Variants in CTNNA3 observed in about 807,000 individuals in gnomAD.
CTNNA3 encodes catenin alpha 3.
A neutral mutation model predicts 95.7 loss-of-function variants in CTNNA3; 76 were observed. The observed-to-expected ratio is 0.79, with a 90% CI of 0.66 to 0.96. The LOEUF is 0.96. Among genes scored for constraint, CTNNA3 ranks in the 40% least tolerant of loss-of-function variants. The pLI is 0.00. For synonymous variants in CTNNA3, 431 were observed against 374.4 expected, an observed-to-expected ratio of 1.15 and a Z score of -1.74; for missense variants, 1,191 against 1,089.8, an observed-to-expected ratio of 1.09 and a Z score of -1.31.
chr10:66,999,804 T>C (rs893646525), intron 7 of CTNNA3, among the ~76,000 whole-genome samples: 1 of 152,184 alleles, frequency 6.6e-6, no homozygotes, highest in Non-Finnish European at 1.5e-5. Flanking sequence ...TACTTGACCA[T>C]CAATTTTTCT....
At chr10:67,631,116 C>T (rs1351852557) in intron 2 of CTNNA3, among the ~76,000 whole-genome samples, 1 of 152,116 alleles carries the variant, frequency 6.6e-6, no homozygotes, top group African/African-American at 2.4e-5. Flanking sequence ...AGTGCAGATG[C>T]CTACAGTTGC....
intron 12 of CTNNA3, among the ~76,000 whole-genome samples, chr10:66,289,149 G>A (rs562112305): frequency 1.3e-4 from 19 of 151,846 alleles, no homozygotes; most frequent in African/African-American, 4.3e-4. Context: ...TAACAAAACT[G>A]TTAATTAATT....
Position 66,520,786 on chromosome 10 carries a change from G to C in CTNNA3, c.1375-13C>G. 2 of 1,607,656 alleles carry C rather than the reference G, an allele frequency of 1.2e-6. No homozygotes were observed. On this transcript the variant is annotated splice_polypyrimidine_tract_variant and intron_variant, in intron 10 of 17. Coordinates refer to ENST00000433211, the MANE Select transcript of CTNNA3 (RefSeq NM_013266.4). Reference sequence around the variant, plus strand: ...CAGCATTAATAATCTATAAAGATAAGGATTGAAAAAATTACCTATTGGTTG... The same window carrying C: ...CAGCATTAATAATCTATAAAGATAACGATTGAAAAAATTACCTATTGGTTG...
rs114748675 is a variant in CTNNA3, at chr10:66,730,481, A to G, written c.1281+35783T>C. On this transcript the variant is annotated intron_variant, in intron 9 of 17. Transcript: ENST00000433211. ...TGGGGTGGGGACAGGGAGTGCATCAAGAAGAACAGTTAATGGATTCTGGGC... is the reference window on the plus strand; with the variant it reads ...TGGGGTGGGGACAGGGAGTGCATCAGGAAGAACAGTTAATGGATTCTGGGC... 9.2e-3 allele frequency among the ~76,000 whole-genome samples: 1,404 copies of G among 152,268 alleles called. 32 individuals are homozygous for G. Among genetic ancestry groups the G allele is most frequent in the African/African-American group, 0.032 (1,327 of 41,546 alleles).
rs569356704 is a variant in CTNNA3, at chr10:66,086,999, T to A, written c.1977+16158A>T. 8.4e-4 allele frequency among the ~76,000 whole-genome samples: 128 copies of A among 152,234 alleles called. 1 individual carries two copies. The highest frequency in any genetic ancestry group is 3.0e-3 in the African/African-American group (123 of 41,554). On this transcript the variant is annotated intron_variant, in intron 14 of 17. Transcript: ENST00000433211. ...TAGATAAGCAAGATGGAAATTTGCA[T>A]AGATAAATGGCATCAGCTGTACCTG...
chr10:66,582,862 T>C (rs985494778), intron 10 of CTNNA3, among the ~76,000 whole-genome samples: 2 of 152,022 alleles, frequency 1.3e-5, no homozygotes, highest in Non-Finnish European at 2.9e-5. Flanking sequence ...TGCTGGATTT[T>C]ATTGAATGCT....
chr10:67,115,809 G>T (rs1859153213), intron 7 of CTNNA3, among the ~76,000 whole-genome samples: 1 of 151,802 alleles, frequency 6.6e-6, no homozygotes, highest in Admixed American at 6.6e-5. Flanking sequence ...TCTCTTTTAG[G>T]TCAGAGCTGA....
chr10:66,243,501 G>A (rs2090187431), intron 13 of CTNNA3, among the ~76,000 whole-genome samples: 1 of 152,002 alleles, frequency 6.6e-6, no homozygotes. Flanking sequence ...ATTGATTCTA[G>A]GTCTTTAGAT....
chr10:66,879,411 C>T (rs1589370247), intron 7 of CTNNA3, among the ~76,000 whole-genome samples: 1 of 152,114 alleles, frequency 6.6e-6, no homozygotes, highest in Non-Finnish European at 1.5e-5. Context: ...ATAATGTTAA[C>T]ATTAACTTTA....
intron 15 of CTNNA3, among the ~76,000 whole-genome samples, 179 bp downstream of exon 15, chr10:66,069,129 T>C (rs968481531): frequency 6.6e-6 from 1 of 152,150 alleles, no homozygotes; most frequent in Non-Finnish European, 1.5e-5. Context: ...AAACTTGCCA[T>C]ATTTATTTAT....
intron 7 of CTNNA3, among the ~76,000 whole-genome samples, chr10:67,020,457 T>C (rs923289012): frequency 6.6e-5 from 10 of 152,190 alleles, no homozygotes; most frequent in Non-Finnish European, 1.5e-4. Context: ...AGTTAAGCTA[T>C]GTAGGATTCA....
At chr10:66,103,538 G>A (rs536829772) in intron 13 of CTNNA3, among the ~76,000 whole-genome samples, 10 of 152,220 alleles carry the variant, frequency 6.6e-5, no homozygotes, top group African/African-American at 2.4e-4. Flanking sequence ...AATATAATTT[G>A]GCCATAAAAA....
chr10:67,615,908 C>A (rs1270092352), intron 2 of CTNNA3, among the ~76,000 whole-genome samples: 1 of 152,138 alleles, frequency 6.6e-6, no homozygotes, highest in Non-Finnish European at 1.5e-5. Flanking sequence ...AAGTGATCCA[C>A]CTGCCTCGGC....
chr10:66,967,347 G>T (rs78652892), intron 7 of CTNNA3, among the ~76,000 whole-genome samples: 103 of 87,484 alleles, frequency 1.2e-3, no homozygotes, highest in Middle Eastern at 7.7e-3. Flanking sequence ...TATATATATA[G>T]ATAGATAGAT....
At chr10:67,506,894 T>C (rs1288938970) in intron 5 of CTNNA3, among the ~76,000 whole-genome samples, 1 of 152,232 alleles carries the variant, frequency 6.6e-6, no homozygotes, top group Non-Finnish European at 1.5e-5. Flanking sequence ...GACAGTCCCA[T>C]GATCAGTTTG....
intron 1 of CTNNA3, among the ~76,000 whole-genome samples, chr10:67,661,430 C>CT (rs1369243647): frequency 3.3e-5 from 5 of 151,948 alleles, no homozygotes; most frequent in African/African-American, 1.2e-4. Flanking sequence ...GATCACAGAG[C>CT]TAAAGGTAGG....
Position 66,414,926 on chromosome 10 carries a change from G to A in CTNNA3, c.1532-35574C>T, listed in dbSNP as rs186487331. Among the ~76,000 whole-genome samples, 539 of 152,222 alleles carry A rather than the reference G, an allele frequency of 3.5e-3. 7 individuals are homozygous for A. Among genetic ancestry groups the A allele is most frequent in the African/African-American group, 0.012 (512 of 41,546 alleles). ...AGAGAAGTGATGGGTACTGCCTGGG[G>A]TTTAGACACAAGTGACCACAGGCTT... On this transcript the variant is annotated intron_variant, in intron 11 of 17. Transcript: ENST00000433211.
chr10:67,599,048 G>A (rs1843004996), intron 3 of CTNNA3, among the ~76,000 whole-genome samples: 1 of 152,108 alleles, frequency 6.6e-6, no homozygotes, highest in South Asian at 2.1e-4. Flanking sequence ...CAAGTTAGAT[G>A]GGTTTTGTAA....
At chr10:67,235,718 T>C (rs1865420664) in intron 5 of CTNNA3, among the ~76,000 whole-genome samples, 1 of 142,400 alleles carries the variant, frequency 7.0e-6, no homozygotes, top group African/African-American at 2.7e-5. Context: ...ACCATCAGAG[T>C]GAACAGGCAA....
Sources: allele counts gnomAD v4.1 joint callset (sites outside exome capture counted in the v4.1 genomes callset), GRCh38; gene constraint gnomAD v4.1.1; transcripts MANE v1.5; gene names NCBI Gene and HGNC (gene_info 2026-07-23, HGNC 2026-07-21).